Variants in CATSPERE observed in about 807,000 individuals in gnomAD.
CATSPERE encodes cation channel sperm-associated auxiliary subunit epsilon.
CATSPERE carries 93 observed loss-of-function variants against 114.1 expected under a neutral mutation model. That is an observed-to-expected ratio of 0.81 (90% CI 0.69 to 0.97). CATSPERE has a LOEUF of 0.97. Among genes scored for constraint, CATSPERE ranks in the 50% least tolerant of loss-of-function variants. The pLI is 0.00. For synonymous variants in CATSPERE, 341 were observed against 384.1 expected (o/e 0.89, Z 1.31); for missense variants, 1,058 against 1,131.6 (o/e 0.93, Z 0.93).
At chr1:244,612,840 T>G (rs1670914924) in intron 19 of CATSPERE, among the ~76,000 whole-genome samples, 1 of 152,164 alleles carries the variant, frequency 6.6e-6, no homozygotes. Context: ...ATTTGTTTTC[T>G]AAGTGACTGG....
chr1:244,626,769 G>T (rs1673256982), intron 20 of CATSPERE, among the ~76,000 whole-genome samples: 1 of 152,190 alleles, frequency 6.6e-6, no homozygotes, highest in African/African-American at 2.4e-5. Flanking sequence ...TCCTAGAATT[G>T]AAGAGAGTGC....
chr1:244,529,693 C>G (rs774282559), intron 8 of CATSPERE, among the ~76,000 whole-genome samples: 31 of 151,476 alleles, frequency 2.0e-4, no homozygotes, highest in Non-Finnish European at 4.4e-4. Flanking sequence ...TTTTTTGAGT[C>G]TCACTTTGTA....
chr1:244,532,726 C>T (rs1162847588), intron 8 of CATSPERE, among the ~76,000 whole-genome samples: 2 of 152,060 alleles, frequency 1.3e-5, no homozygotes, highest in East Asian at 1.9e-4. Context: ...AGAGAAGGTA[C>T]TTCATATTTG....
chr1:244,614,050 A>G (rs1671070140), intron 19 of CATSPERE, among the ~76,000 whole-genome samples: 2 of 152,158 alleles, frequency 1.3e-5, no homozygotes, highest in Non-Finnish European at 2.9e-5. Flanking sequence ...CAGAGTCCCC[A>G]CCAGGAAGAT....
intron 7 of CATSPERE, among the ~76,000 whole-genome samples, chr1:244,502,840 A>C (rs79588921): frequency 0.031 from 4,674 of 152,284 alleles, 122 homozygotes; most frequent in Non-Finnish European, 0.048. Context: ...TAGGTTTGAA[A>C]ATTGTCCAAC....
In CATSPERE at chr1:244,461,326, GGAC is replaced by G; in HGVS notation, c.-103_-101del. The G allele has an allele frequency of 9.8e-7, 1 of 1,017,974 alleles. No homozygotes were observed. The highest frequency in any genetic ancestry group is 1.3e-6 in the Non-Finnish European group (1 of 778,434). The allele number at this position is 1,017,974 out of a possible 1,614,324, so 63.1% of individuals were successfully genotyped here. On this transcript the variant is annotated 5_prime_UTR_variant, in exon 1 of 22. Coordinates refer to ENST00000366534, the MANE Select transcript of CATSPERE (RefSeq NM_001130957.2). ...CGGCCCGCCCTGTCCAGAGGCGCCG[GGAC>G]CCAGGCGCCTGCAGCCGCCCGCCGG...
intron 2 of CATSPERE, among the ~76,000 whole-genome samples, chr1:244,470,229 C>G (rs1668259173): frequency 6.6e-6 from 1 of 152,162 alleles, no homozygotes; most frequent in Non-Finnish European, 1.5e-5. Flanking sequence ...AGGACATCAT[C>G]AAGAAAGTGA....
intron 2 of CATSPERE, among the ~76,000 whole-genome samples, chr1:244,467,724 T>A (rs771134907): frequency 6.6e-6 from 1 of 152,210 alleles, no homozygotes; most frequent in Non-Finnish European, 1.5e-5. Flanking sequence ...TATAGAGGGA[T>A]AAATGCATTT....
At chr1:244,541,939 T>C (rs1658835877) in intron 8 of CATSPERE, among the ~76,000 whole-genome samples, 2 of 135,124 alleles carry the variant, frequency 1.5e-5, no homozygotes, top group South Asian at 5.0e-4. Flanking sequence ...TTCTCACTCA[T>C]AGGTGGGAAT....
chr1:244,483,443 C>A (rs1670560807), intron 5 of CATSPERE, among the ~76,000 whole-genome samples: 1 of 152,164 alleles, frequency 6.6e-6, no homozygotes, highest in African/African-American at 2.4e-5. Context: ...TATATCCACA[C>A]TAGTAGTACG....
At chr1:244,522,332 G>A (rs1211549550) in intron 8 of CATSPERE, among the ~76,000 whole-genome samples, 4 of 152,282 alleles carry the variant, frequency 2.6e-5, no homozygotes, top group African/African-American at 9.6e-5. Context: ...TGCATTCAAA[G>A]CAGTGTGTAG....
At chr1:244,481,174 G>A (rs1291610527) in intron 5 of CATSPERE, among the ~76,000 whole-genome samples, 1 of 152,188 alleles carries the variant, frequency 6.6e-6, no homozygotes, top group Non-Finnish European at 1.5e-5. Context: ...TAATAGGCCA[G>A]GCACAGTGGC....
intron 20 of CATSPERE, among the ~76,000 whole-genome samples, chr1:244,623,752 ACTGTAGT>A: frequency 6.6e-6 from 1 of 152,332 alleles, no homozygotes; most frequent in East Asian, 1.9e-4. Context: ...TTTACACTAT[ACTGTAGT>A]CTATTAAGTG....
chr1:244,583,223 C>CA (rs1353081410), intron 12 of CATSPERE, among the ~76,000 whole-genome samples: 19 of 150,862 alleles, frequency 1.3e-4, no homozygotes, highest in Admixed American at 6.6e-4. Context: ...TTTTTTTTGA[C>CA]AAAAAAAACC....
chr1:244,484,734 G>T (rs895033352), intron 5 of CATSPERE, among the ~76,000 whole-genome samples: 5 of 151,970 alleles, frequency 3.3e-5, no homozygotes, highest in Non-Finnish European at 4.4e-5. Flanking sequence ...TCATTTCTTT[G>T]CTCAACAATG....
upstream of CATSPERE, among the ~76,000 whole-genome samples, chr1:244,456,313 G>A (rs1666159109): frequency 1.3e-5 from 2 of 152,082 alleles, no homozygotes; most frequent in African/African-American, 4.8e-5. Context: ...AGAAACACAA[G>A]CTTTCCTAGC....
chr1:244,605,833 A>T, intron 18 of CATSPERE, 39 bp downstream of exon 18: 1 of 1,337,666 alleles, frequency 7.5e-7, no homozygotes, highest in Non-Finnish European at 1.1e-6. Flanking sequence ...TTAGCATGCA[A>T]CTAGACAATG....
chr1:244,539,215 C>T (rs1188227571), intron 8 of CATSPERE, among the ~76,000 whole-genome samples: 3 of 151,540 alleles, frequency 2.0e-5, no homozygotes, highest in Non-Finnish European at 4.4e-5. Flanking sequence ...GCCTTTTCTG[C>T]ATCTATTGAG....
chr1:244,482,733 CT>C (rs1267642201), intron 5 of CATSPERE, among the ~76,000 whole-genome samples: 2 of 152,064 alleles, frequency 1.3e-5, no homozygotes, highest in Admixed American at 6.6e-5. Flanking sequence ...AACATCACAC[CT>C]CTTTATGCGC....
Sources: gnomAD v4.1 joint callset for allele counts (sites outside exome capture counted in the v4.1 genomes callset) on GRCh38, gnomAD v4.1.1 for gene constraint, MANE v1.5 for transcripts, NCBI Gene and HGNC (gene_info 2026-07-23, HGNC 2026-07-21) for gene names.